CSMD1: variants seen among roughly 807,000 people sequenced by gnomAD.
CSMD1 encodes the protein CUB and sushi domain-containing protein 1.
A neutral mutation model predicts 417.5 loss-of-function variants in CSMD1; 213 were observed. The observed-to-expected ratio is 0.51, with a 90% CI of 0.46 to 0.57. The LOEUF (loss-of-function observed/expected upper bound fraction) is 0.57, where lower values mean the gene tolerates loss of function less well. Among genes scored for constraint, CSMD1 ranks in the 20% least tolerant of loss-of-function variants. The pLI, the probability that CSMD1 is intolerant of heterozygous loss-of-function variation, is 0.00. For synonymous variants in CSMD1, 2,862 were observed against 1,736.8 expected, an observed-to-expected ratio of 1.65 and a Z score of -16.11; for missense variants, 6,923 against 4,529.7, an observed-to-expected ratio of 1.53 and a Z score of -15.17.
At chr8:3,683,597 C>T (rs75681940) in intron 7 of CSMD1, among the ~76,000 whole-genome samples, 3,853 of 152,188 alleles carry the variant, frequency 0.025, 174 homozygotes, top group African/African-American at 0.087. Flanking sequence ...TTTTGAATAT[C>T]ATTCTTCTGC....
At chr8:3,919,438 G>T (rs1024480232) in intron 5 of CSMD1, among the ~76,000 whole-genome samples, 5 of 151,814 alleles carry the variant, frequency 3.3e-5, no homozygotes, top group Admixed American at 2.0e-4. Context: ...TTGGTTAGTT[G>T]GCAGTTTTTG....
chr8:4,334,921 C>A (rs1476880330), intron 3 of CSMD1, among the ~76,000 whole-genome samples: 1 of 152,074 alleles, frequency 6.6e-6, no homozygotes, highest in African/African-American at 2.4e-5. Flanking sequence ...ACTTTCTACC[C>A]CCACAGATGC....
chr8:3,709,850 C>CAT (rs1554518471), intron 6 of CSMD1, among the ~76,000 whole-genome samples: 1 of 147,264 alleles, frequency 6.8e-6, no homozygotes, highest in South Asian at 2.2e-4. Context: ...TGTGTGTGTA[C>CAT]GTGTGTGTGT....
In CSMD1 at chr8:4,034,358, G is replaced by A. The variant is rs560362432; in HGVS notation, c.416-2259C>T. On this transcript the variant is annotated intron_variant, in intron 3 of 69. Transcript: ENST00000635120. ...TGTATTCAGTTCTAGTTTTTAAGAA[G>A]TAATTTCTGAGAGCAGTCTACAGAA... is the stretch of plus-strand genomic sequence containing the variant. Among the ~76,000 whole-genome samples, 29 of 152,278 alleles carry A rather than the reference G, an allele frequency of 1.9e-4. No individual in the cohort carries two copies. The East Asian group carries it at 5.4e-3, about 28-fold the overall frequency.
At chr8:4,067,535 A>G (rs1353317366) in intron 3 of CSMD1, among the ~76,000 whole-genome samples, 2 of 152,050 alleles carry the variant, frequency 1.3e-5, no homozygotes, top group Non-Finnish European at 2.9e-5. Context: ...ATTTTGTTGT[A>G]TAGCTTTACA....
chr8:4,954,060 C>T (rs1304446362), intron 1 of CSMD1, among the ~76,000 whole-genome samples: 1 of 152,116 alleles, frequency 6.6e-6, no homozygotes, highest in Admixed American at 6.6e-5. Flanking sequence ...TTTCTTTCTC[C>T]AAATTCATAA....
chr8:3,612,955 G>C (rs1801963159), intron 8 of CSMD1, among the ~76,000 whole-genome samples: 1 of 151,962 alleles, frequency 6.6e-6, no homozygotes, highest in Admixed American at 6.6e-5. Context: ...AAATTGAAGA[G>C]AAACTAAACA....
chr8:4,987,054 AC>A, intron 1 of CSMD1, among the ~76,000 whole-genome samples: 1 of 152,318 alleles, frequency 6.6e-6, no homozygotes, highest in Non-Finnish European at 1.5e-5. Flanking sequence ...TTGCATTTTT[AC>A]TATCTCAAAG....
intron 3 of CSMD1, among the ~76,000 whole-genome samples, chr8:4,067,845 G>A (rs976683703): frequency 2.0e-5 from 3 of 152,130 alleles, no homozygotes; most frequent in African/African-American, 4.8e-5. Flanking sequence ...TTGGGAGGCC[G>A]AGGTGGGCGG....
At chr8:3,604,286 G>A (rs966868446) in intron 8 of CSMD1, among the ~76,000 whole-genome samples, 2 of 152,146 alleles carry the variant, frequency 1.3e-5, no homozygotes, top group African/African-American at 4.8e-5. Context: ...AAAGGCCAGA[G>A]GGAGGGAGGC....
intron 1 of CSMD1, among the ~76,000 whole-genome samples, chr8:4,728,086 A>T (rs1390945526): frequency 2.0e-5 from 3 of 146,870 alleles, no homozygotes; most frequent in Non-Finnish European, 4.5e-5. Flanking sequence ...GTTTGTAGGT[A>T]AATATGTACA....
intron 18 of CSMD1, among the ~76,000 whole-genome samples, chr8:3,383,398 G>C (rs919465195): frequency 6.6e-6 from 1 of 151,966 alleles, no homozygotes; most frequent in South Asian, 2.1e-4. Flanking sequence ...TGCATGGAGG[G>C]AAGCCTTCTT....
intron 25 of CSMD1, among the ~76,000 whole-genome samples, chr8:3,305,984 A>AGTCTGTAATATTCTATT (rs1310309354): frequency 2.0e-5 from 3 of 151,930 alleles, no homozygotes; most frequent in African/African-American, 2.4e-5. Context: ...CCGGCCCCAC[A>AGTCTGTAATATTCTATT]GTCTGTAATA....
intron 1 of CSMD1, among the ~76,000 whole-genome samples, chr8:4,888,648 A>G (rs1264106787): frequency 6.6e-6 from 1 of 152,132 alleles, no homozygotes; most frequent in Non-Finnish European, 1.5e-5. Context: ...GATCTTCACC[A>G]TAAATATCAT....
intron 2 of CSMD1, among the ~76,000 whole-genome samples, chr8:4,458,417 ATTT>A (rs1386513406): frequency 6.6e-6 from 1 of 152,212 alleles, no homozygotes; most frequent in East Asian, 1.9e-4. Context: ...ATTGGCAGTG[ATTT>A]TTATCAGTTG....
intron 3 of CSMD1, among the ~76,000 whole-genome samples, chr8:4,298,262 A>G (rs573635911): frequency 6.6e-6 from 1 of 152,342 alleles, no homozygotes; most frequent in South Asian, 2.1e-4. Context: ...AAACACATAC[A>G]TTAAAAGGTA....
intron 5 of CSMD1, among the ~76,000 whole-genome samples, chr8:3,830,782 C>G (rs1802332262): frequency 6.6e-6 from 1 of 152,132 alleles, no homozygotes; most frequent in African/African-American, 2.4e-5. Context: ...AATGGATATG[C>G]ACGCCAGTAA....
intron 3 of CSMD1, among the ~76,000 whole-genome samples, chr8:4,333,667 A>C (rs541786908): frequency 6.6e-6 from 1 of 152,232 alleles, no homozygotes; most frequent in Non-Finnish European, 1.5e-5. Flanking sequence ...ATCATTTTAT[A>C]AGTGCTTTTC....
At chr8:4,376,312 G>T (rs1034631885) in intron 3 of CSMD1, among the ~76,000 whole-genome samples, 3 of 152,252 alleles carry the variant, frequency 2.0e-5, no homozygotes, top group African/African-American at 7.2e-5. Flanking sequence ...AGAAAGTCAG[G>T]ACATTTTCAA....
Sources: gnomAD v4.1 joint callset for allele counts (sites outside exome capture counted in the v4.1 genomes callset) on GRCh38, gnomAD v4.1.1 for gene constraint, MANE v1.5 for transcripts, NCBI Gene and HGNC (gene_info 2026-07-23, HGNC 2026-07-21) for gene names.